Variants in HIVEP3 observed in about 807,000 individuals in gnomAD.
The protein encoded by HIVEP3 is transcription factor HIVEP3.
Under a neutral mutation model 152.8 loss-of-function variants are expected in HIVEP3, and 49 were observed. The observed-to-expected ratio is 0.32, with a 90% CI of 0.26 to 0.41. HIVEP3 has a LOEUF of 0.41. Ranked by LOEUF, HIVEP3 falls within the 10% of genes least tolerant of loss-of-function variation. HIVEP3 has a pLI of 1.00. For synonymous variants in HIVEP3, 1,269 were observed against 1,289.0 expected (o/e 0.98, Z 0.33); for missense variants, 2,790 against 3,103.3 (o/e 0.90, Z 2.40).
At chr1:41,670,076 C>T (rs1033006613) in intron 2 of HIVEP3, among the ~76,000 whole-genome samples, 2 of 152,166 alleles carry the variant, frequency 1.3e-5, no homozygotes, top group African/African-American at 2.4e-5. Flanking sequence ...GGGCAGAAGC[C>T]GTCAGTCCTC....
intron 5 of HIVEP3, among the ~76,000 whole-genome samples, chr1:41,540,761 T>G (rs564762411): frequency 6.6e-6 from 1 of 152,176 alleles, no homozygotes; most frequent in Non-Finnish European, 1.5e-5. Context: ...AGAAAGAGTT[T>G]TCTGACCCCA....
chr1:41,690,826 G>C (rs1230014883), intron 2 of HIVEP3, among the ~76,000 whole-genome samples: 1 of 152,226 alleles, frequency 6.6e-6, no homozygotes, highest in Non-Finnish European at 1.5e-5. Context: ...GCTGAGGCAG[G>C]AGAATCGCTT....
intron 2 of HIVEP3, among the ~76,000 whole-genome samples, chr1:41,655,950 CAT>C (rs1302146543): frequency 6.6e-6 from 1 of 152,204 alleles, no homozygotes; most frequent in Non-Finnish European, 1.5e-5. Context: ...TACACCCAAA[CAT>C]ACTGTTGAAT....
chr1:41,727,618 C>T (rs1185987874), intron 1 of HIVEP3, among the ~76,000 whole-genome samples: 5 of 152,260 alleles, frequency 3.3e-5, no homozygotes, highest in Non-Finnish European at 7.3e-5. Flanking sequence ...AGGAATCCCC[C>T]GCAGACCGGT....
At chr1:41,877,085 C>T (rs1163577348) in intron 1 of HIVEP3, among the ~76,000 whole-genome samples, 3 of 152,182 alleles carry the variant, frequency 2.0e-5, no homozygotes, top group African/African-American at 7.2e-5. Flanking sequence ...TCCTAAAACT[C>T]TTCTTTCTTT....
chr1:42,031,636 G>T (rs905967906), intron 1 of HIVEP3, among the ~76,000 whole-genome samples: 3 of 152,068 alleles, frequency 2.0e-5, no homozygotes, highest in Non-Finnish European at 4.4e-5. Flanking sequence ...TTTCCTGAGG[G>T]ACAGAATCAC....
At position 41,581,914 on chromosome 1, in the gene HIVEP3, G is replaced by A. The variant is rs769482131; in HGVS notation, c.2884C>T (p.Pro962Ser). The change falls in exon 4 of 9, where the codon CCC (proline) becomes TCC (serine). Residue 962 changes from proline to serine, a missense_variant. Physicochemically the swap from Pro to Ser is moderately conservative, Grantham distance 74. Coordinates refer to ENST00000372583, the MANE Select transcript of HIVEP3 (RefSeq NM_024503.5). This position sits in a 1 kb window ranked among gnomAD's most constrained non-coding sequence, Gnocchi z 4.5. ...DDHGKAEAPS[P>S]SSDMRPKPLG... is the part of the protein sequence containing the mutation. The stretch of plus-strand genomic sequence containing the variant: ...GGTTTGGGGCGCATGTCAGATGAGG[G>A]ACTGGGGGCCTCGGCTTTCCCATGG... 23 of 1,614,034 alleles carry A rather than the reference G, an allele frequency of 1.4e-5. No homozygotes were observed. The highest frequency in any genetic ancestry group is 1.9e-5 in the Non-Finnish European group (22 of 1,180,028).
intron 1 of HIVEP3, among the ~76,000 whole-genome samples, chr1:41,797,804 T>G (rs914421391): frequency 6.6e-6 from 1 of 152,086 alleles, no homozygotes; most frequent in Non-Finnish European, 1.5e-5. Context: ...CTGGCCAACA[T>G]GGTGAAACCC....
rs569671403 is a variant in HIVEP3 at position 41,948,981 on chromosome 1, T to C, written n.120-30457A>G. Among the ~76,000 whole-genome samples the C allele has an allele frequency of 2.0e-5, 3 of 152,286 alleles. No homozygotes were observed. In the East Asian group the frequency reaches 5.8e-4, roughly 29 times the overall value. On this transcript the variant is annotated intron_variant and non_coding_transcript_variant, in intron 1 of 3. Coordinates refer to the HIVEP3 transcript ENST00000489103. ...CTTCTGTTTTAGTAGGACCTCTTGTTTCCAATCTGGAAATAACCCATACCT... is the reference window on the plus strand; with the variant it reads ...CTTCTGTTTTAGTAGGACCTCTTGTCTCCAATCTGGAAATAACCCATACCT...
intron 1 of HIVEP3, among the ~76,000 whole-genome samples, chr1:41,952,103 A>G (rs1177970693): frequency 6.6e-6 from 1 of 152,180 alleles, no homozygotes; most frequent in Non-Finnish European, 1.5e-5. Context: ...CTTCAGGGCT[A>G]TCTTCCCTGA....
At chr1:41,969,877 A>AT (rs1263254470) in intron 1 of HIVEP3, among the ~76,000 whole-genome samples, 3 of 152,210 alleles carry the variant, frequency 2.0e-5, no homozygotes, top group Admixed American at 6.5e-5. Context: ...AAACAACCCC[A>AT]TTAAAAAGTG....
rs143856191 is a variant in HIVEP3, at chr1:41,938,320, A to G, written n.120-19796T>C. On this transcript the variant is annotated intron_variant and non_coding_transcript_variant, in intron 1 of 3. Coordinates refer to the HIVEP3 transcript ENST00000489103. ...CCCCACCATACCATACCGTGCATCA[A>G]TGCAGAAGCCATGTATATGTGGTTC... 4.9e-4 allele frequency among the ~76,000 whole-genome samples: 75 copies of G among 152,312 alleles called. No homozygotes were observed. In the East Asian group the frequency reaches 0.013, roughly 27 times the overall value.
intron 1 of HIVEP3, among the ~76,000 whole-genome samples, chr1:41,759,284 C>T (rs1647515529): frequency 6.6e-6 from 1 of 151,990 alleles, no homozygotes; most frequent in Non-Finnish European, 1.5e-5. Flanking sequence ...AATATATGGC[C>T]TTTTGTATCC....
chr1:41,780,622 C>A (rs1050959977), intron 1 of HIVEP3, among the ~76,000 whole-genome samples: 2 of 152,198 alleles, frequency 1.3e-5, no homozygotes, highest in Non-Finnish European at 2.9e-5. Context: ...GACCTTCCTG[C>A]CCCACAGAGG....
chr1:41,787,696 A>T (rs577489287), intron 1 of HIVEP3, among the ~76,000 whole-genome samples: 226 of 135,538 alleles, frequency 1.7e-3, no homozygotes, highest in Admixed American at 5.2e-3. Context: ...AATTAAAAAA[A>T]TTTTTTTTTT....
At chr1:41,562,614 TCTCTCTCTCTCTCTCTCTCC>T (rs1402596018) in intron 5 of HIVEP3, among the ~76,000 whole-genome samples, 8 of 111,890 alleles carry the variant, frequency 7.1e-5, no homozygotes, top group African/African-American at 3.0e-4. Context: ...TCTCTCTCTC[TCTCTCTCTCTCTCTCTCTCC>T]CTCTCTCTCT....
intron 3 of HIVEP3, among the ~76,000 whole-genome samples, chr1:41,590,855 C>T (rs929425734): frequency 1.2e-4 from 18 of 152,144 alleles, no homozygotes; most frequent in Admixed American, 3.3e-4. Flanking sequence ...CACAGCACAG[C>T]GACTCCCAAG....
In HIVEP3 at chr1:41,582,884, T is replaced by G; in HGVS notation, c.1914A>C (p.Thr638=). ...TGTTACATTCGTAGATCACCCCTTT[T>G]GTTTTCAAACCCTTCTTGGTCTTTT... ...LTKKTKKGLK[T]KGVIYECNIC... is the part of the protein sequence containing the mutation. Residue 638 remains threonine, a synonymous_variant, in exon 4 of 9, where the codon ACA becomes ACC. Coordinates refer to ENST00000372583, the MANE Select transcript of HIVEP3 (RefSeq NM_024503.5). This position sits in a 1 kb window ranked among gnomAD's most constrained non-coding sequence, Gnocchi z 4.7. 1 of 1,614,190 alleles carries G rather than the reference T, an allele frequency of 6.2e-7. No individual in the cohort carries two copies. The highest frequency in any genetic ancestry group is 8.5e-7 in the Non-Finnish European group (1 of 1,180,020).
intron 1 of HIVEP3, among the ~76,000 whole-genome samples, chr1:41,785,181 G>A (rs1323559423): frequency 6.6e-6 from 1 of 152,088 alleles, no homozygotes; most frequent in African/African-American, 2.4e-5. Flanking sequence ...CTCTGGCCAA[G>A]CTCTTCTGAG....
Sources: gnomAD v4.1 joint callset for allele counts (sites outside exome capture counted in the v4.1 genomes callset) on GRCh38, gnomAD v4.1.1 for gene constraint, Gnocchi (gnomAD v3.1) non-coding constraint, MANE v1.5 for transcripts, NCBI Gene and HGNC (gene_info 2026-07-23, HGNC 2026-07-21) for gene names.